The following MNS1 variants were observed in gnomAD, a reference collection of about 807,000 sequenced individuals.
MNS1 encodes meiosis specific nuclear structural 1.
A neutral mutation model predicts 72.0 loss-of-function variants in MNS1; 63 were observed. The observed-to-expected ratio is 0.87, with a 90% CI of 0.71 to 1.08. MNS1 has a LOEUF of 1.08. Among genes scored for constraint, MNS1 ranks in the 50% least tolerant of loss-of-function variants. The probability of loss-of-function intolerance (pLI) is 0.00; values close to 1 mark genes in which losing one functional copy is unlikely to be tolerated. For synonymous variants in MNS1, 188 were observed against 172.1 expected (o/e 1.09, Z -0.72); for missense variants, 604 against 562.4 (o/e 1.07, Z -0.75).
At chr15:56,430,747 A>G (rs2050567035) in intron 9 of MNS1, among the ~76,000 whole-genome samples, 1 of 152,114 alleles carries the variant, frequency 6.6e-6, no homozygotes, top group African/African-American at 2.4e-5. Flanking sequence ...CAGTTCAACC[A>G]TGTGCCTATT....
intron 3 of MNS1, among the ~76,000 whole-genome samples, chr15:56,449,524 A>T (rs188407928): frequency 2.6e-5 from 4 of 152,292 alleles, no homozygotes; most frequent in Admixed American, 6.5e-5. Context: ...AGATTACAGG[A>T]GCTAAATTCA....
At chr15:56,463,509 C>T (rs1431523838) in intron 2 of MNS1, among the ~76,000 whole-genome samples, 1 of 152,040 alleles carries the variant, frequency 6.6e-6, no homozygotes, top group African/African-American at 2.4e-5. Flanking sequence ...GCAGGCTGGG[C>T]GCGGTGGCTC....
intron 2 of MNS1, among the ~76,000 whole-genome samples, chr15:56,462,685 C>T (rs1194539248): frequency 2.6e-5 from 4 of 152,140 alleles, no homozygotes; most frequent in Non-Finnish European, 4.4e-5. Context: ...GACATAACCA[C>T]CAAATACACC....
At chr15:56,463,190 G>A (rs1383001300) in intron 2 of MNS1, among the ~76,000 whole-genome samples, 1 of 152,016 alleles carries the variant, frequency 6.6e-6, no homozygotes, top group African/African-American at 2.4e-5. Context: ...CCCTTAAAAT[G>A]TTGAGATATA....
Position 56,460,568 on chromosome 15 carries a change from G to A in MNS1, c.225+3458C>T, listed in dbSNP as rs73415865. Among the ~76,000 whole-genome samples the A allele has an allele frequency of 4.3e-3, 659 of 152,252 alleles. 4 individuals carry two copies. Among genetic ancestry groups the A allele is most frequent in the African/African-American group, 0.015 (632 of 41,556 alleles). Reference sequence around the variant, plus strand: ...TAACTTTTCCATGATTTTCATCTGTGTAAGATGTTAAGAAGTAGTCAGGTG... The same window carrying A: ...TAACTTTTCCATGATTTTCATCTGTATAAGATGTTAAGAAGTAGTCAGGTG... On this transcript the variant is annotated intron_variant, in intron 2 of 9. Coordinates refer to ENST00000260453, the MANE Select transcript of MNS1 (RefSeq NM_018365.4).
At chr15:56,435,477 TA>T (rs1299157168) in intron 7 of MNS1, among the ~76,000 whole-genome samples, 1 of 151,510 alleles carries the variant, frequency 6.6e-6, no homozygotes, top group Non-Finnish European at 1.5e-5. Flanking sequence ...ATATCAGGAA[TA>T]AAACATAGGA....
At chr15:56,435,721 A>G (rs767114225) in intron 7 of MNS1, among the ~76,000 whole-genome samples, 6 of 152,074 alleles carry the variant, frequency 3.9e-5, no homozygotes, top group African/African-American at 7.2e-5. Context: ...GGATGGTTTC[A>G]CTAGAAAATT....
At chr15:56,439,671 A>C (rs1325323245) in intron 7 of MNS1, among the ~76,000 whole-genome samples, 1 of 152,000 alleles carries the variant, frequency 6.6e-6, no homozygotes, top group African/African-American at 2.4e-5. Flanking sequence ...CCAATGGCAA[A>C]AACTGTATTT....
chr15:56,464,990 ACC>A lies in MNS1; in HGVS notation c.-20_-19del. ...CTCACCATCTTGGCTGACGAAAAATACCCCCTCTCGTGGGACCGCGGCCACCA... is the reference window on the plus strand; with the variant it reads ...CTCACCATCTTGGCTGACGAAAAATACCCTCTCGTGGGACCGCGGCCACCA... On this transcript the variant is annotated 5_prime_UTR_variant, in exon 1 of 10. Coordinates refer to ENST00000260453, the MANE Select transcript of MNS1 (RefSeq NM_018365.4). 6.3e-7 allele frequency: 1 copy of A among 1,595,692 alleles called. No individual in the cohort carries two copies. Among genetic ancestry groups the A allele is most frequent in the Non-Finnish European group, 8.5e-7 (1 of 1,173,192 alleles).
chr15:56,429,162 A>G lies in MNS1; in HGVS notation c.1427T>C (p.Leu476Pro). Residue 476 changes from leucine (L) to proline (P), a missense_variant, in exon 10 of 10, where the codon CTG becomes CCG. By Grantham distance (98) the Leu-to-Pro change is moderately conservative. Coordinates refer to ENST00000260453, the MANE Select transcript of MNS1 (RefSeq NM_018365.4). The stretch of plus-strand genomic sequence containing the variant: ...TACTTTCCTGAACTCTTCACCAAGC[A>G]GATCAATATCATCCTCTTTTTTAAA... ...GVFKKEDDID[L>P]LGEEFRKVYQ... is the part of the protein sequence containing the mutation. 6.2e-7 allele frequency: 1 copy of G among 1,600,936 alleles called. No homozygotes were observed. The highest frequency in any genetic ancestry group is 8.5e-7 in the Non-Finnish European group (1 of 1,175,012).
intron 3 of MNS1, among the ~76,000 whole-genome samples, 174 bp downstream of exon 3, chr15:56,456,220 C>G (rs2050980904): frequency 6.6e-6 from 1 of 152,076 alleles, no homozygotes. Flanking sequence ...TCCATGAATA[C>G]AACTTCTTTT....
intron 2 of MNS1, among the ~76,000 whole-genome samples, chr15:56,460,121 T>TG (rs1463227281): frequency 6.9e-6 from 1 of 145,268 alleles, no homozygotes; most frequent in Non-Finnish European, 1.5e-5. Context: ...TGTTCCAACG[T>TG]GGGGAAGTTA....
intron 2 of MNS1, among the ~76,000 whole-genome samples, chr15:56,463,476 T>C (rs2140385843): frequency 6.6e-6 from 1 of 152,190 alleles, no homozygotes; most frequent in South Asian, 2.1e-4. Context: ...CCCCATTTTA[T>C]AGAAAAAGCA....
At chr15:56,433,671 C>T (rs1380892581) in intron 8 of MNS1, among the ~76,000 whole-genome samples, 2 of 152,134 alleles carry the variant, frequency 1.3e-5, no homozygotes, top group Non-Finnish European at 2.9e-5. Flanking sequence ...AATGCTCTCA[C>T]TTGAATCGTC....
At chr15:56,455,176 G>A (rs1482433873) in intron 3 of MNS1, among the ~76,000 whole-genome samples, 1 of 140,658 alleles carries the variant, frequency 7.1e-6, no homozygotes, top group Admixed American at 7.6e-5. Flanking sequence ...GCAATTGCTA[G>A]AAGTGAAAAT....
In MNS1 at chr15:56,443,660, T is replaced by G; in HGVS notation, c.881A>C (p.Lys294Thr). 1 of 1,613,084 alleles carries G rather than the reference T, an allele frequency of 6.2e-7. No individual in the cohort carries two copies. The stretch of plus-strand genomic sequence containing the variant: ...TACCGCATTCTGAAGCTGTAGCCTT[T>G]TCTCCTCATTTTCTTGAACTTTTGC... ...RMAKVQENEEKRLQLQNALTQ... is the reference protein window; with the variant it reads ...RMAKVQENEETRLQLQNALTQ... Residue 294 changes from lysine to threonine, a missense_variant, in exon 6 of 10, where the codon AAA becomes ACA. Lys to Thr is a moderately conservative substitution (Grantham distance 78). Transcript: ENST00000260453.
intron 7 of MNS1, among the ~76,000 whole-genome samples, chr15:56,442,260 A>T (rs183273055): frequency 6.6e-6 from 1 of 152,278 alleles, no homozygotes; most frequent in East Asian, 1.9e-4. Flanking sequence ...AGAAAAAGGA[A>T]TGCTTATACA....
At chr15:56,456,268 T>C (rs1481171988) in intron 3 of MNS1, 126 bp downstream of exon 3, 7 of 817,816 alleles carry the variant, frequency 8.6e-6, no homozygotes, top group Non-Finnish European at 1.2e-5. Context: ...GCAATAAGTA[T>C]TTCCAGGTAA....
chr15:56,443,391 T>G, intron 7 of MNS1, 39 bp downstream of exon 7: 3 of 1,410,976 alleles, frequency 2.1e-6, no homozygotes, highest in African/African-American at 1.4e-5. Flanking sequence ...AATTATATTC[T>G]TCTCTACATT....
Sources: gnomAD v4.1 joint callset for allele counts (sites outside exome capture counted in the v4.1 genomes callset) on GRCh38, gnomAD v4.1.1 for gene constraint, MANE v1.5 for transcripts, NCBI Gene and HGNC (gene_info 2026-07-23, HGNC 2026-07-21) for gene names.